The following STK3 variants were observed in gnomAD, a reference collection of about 807,000 sequenced individuals.
STK3 encodes the protein serine/threonine-protein kinase 3.
STK3 carries 41 observed loss-of-function variants against 58.0 expected under a neutral mutation model. That is an observed-to-expected ratio of 0.71 (90% CI 0.55 to 0.92). STK3 has a LOEUF of 0.92. STK3 is among the 40% of genes least tolerant of loss of function. The pLI, the probability that STK3 is intolerant of heterozygous loss-of-function variation, is 0.00. For synonymous variants in STK3, 170 were observed against 191.0 expected (o/e 0.89, Z 0.91); for missense variants, 479 against 602.7 (o/e 0.79, Z 2.15).
chr8:98,600,655 A>C (rs1377890682), intron 6 of STK3, among the ~76,000 whole-genome samples: 2 of 152,250 alleles, frequency 1.3e-5, no homozygotes, highest in African/African-American at 4.8e-5. Flanking sequence ...TTCAGTCTCT[A>C]GAAAAAAGTG....
At chr8:98,367,555 T>G (rs553628457), downstream of STK3, among the ~76,000 whole-genome samples, 1 of 152,338 alleles carries the variant, frequency 6.6e-6, no homozygotes, top group East Asian at 1.9e-4. Flanking sequence ...ACAGCAAGCC[T>G]GTCTACTGAA....
chr8:98,898,449 A>C (rs917375820), intron 1 of STK3, among the ~76,000 whole-genome samples: 1 of 152,238 alleles, frequency 6.6e-6, no homozygotes, highest in Non-Finnish European at 1.5e-5. Context: ...GGAATAGTCA[A>C]GCCACTTTAT....
intron 9 of STK3, among the ~76,000 whole-genome samples, chr8:98,531,008 G>A (rs1233724170): frequency 6.6e-6 from 1 of 152,208 alleles, no homozygotes; most frequent in East Asian, 1.9e-4. Flanking sequence ...CACACTTGCA[G>A]TTACTTCCTC....
intron 7 of STK3, among the ~76,000 whole-genome samples, chr8:98,592,328 C>T (rs1815386519): frequency 6.6e-6 from 1 of 152,142 alleles, no homozygotes; most frequent in Admixed American, 6.5e-5. Context: ...TGTCTTTGTT[C>T]ATATTGTTCA....
At chr8:98,894,159 CCT>C (rs1311931434) in intron 1 of STK3, among the ~76,000 whole-genome samples, 1 of 151,980 alleles carries the variant, frequency 6.6e-6, no homozygotes, top group East Asian at 1.9e-4. Flanking sequence ...CACTTTTTTT[CCT>C]CTCTCTTCTT....
intron 7 of STK3, among the ~76,000 whole-genome samples, chr8:98,582,276 T>G (rs1045784262): frequency 3.3e-5 from 5 of 152,062 alleles, no homozygotes; most frequent in African/African-American, 1.2e-4. Flanking sequence ...CATCTTTTTC[T>G]TGTTGAAATA....
At chr8:98,431,777 C>T (rs1051229170) in intron 3 of STK3, 5 of 167,080 alleles carry the variant, frequency 3.0e-5, no homozygotes, top group Admixed American at 6.5e-5. Flanking sequence ...TAATGACTTG[C>T]ATTTATCTGG....
rs569318970 is a variant in STK3, at chr8:98,523,276, T to C, written c.1317+3466A>G. Among the ~76,000 whole-genome samples the C allele has an allele frequency of 9.2e-5, 14 of 152,342 alleles. No homozygotes were observed. The East Asian group carries it at 2.3e-3, about 25-fold the overall frequency. On this transcript the variant is annotated intron_variant, in intron 10 of 10. Transcript: ENST00000419617. ...GTAGTATCTTATTGTAGTTTTGATA[T>C]GCATTTCTCTAATGATTAATGATAA...
chr8:98,579,817 A>C, intron 7 of STK3, 28 bp from the exon 8 acceptor site: 1 of 1,543,114 alleles, frequency 6.5e-7, no homozygotes, highest in Middle Eastern at 1.8e-4. Context: ...AATGGTATAA[A>C]TTCAAAAGAT....
intron 3 of STK3, among the ~76,000 whole-genome samples, chr8:98,840,628 TACACAC>T (rs1554689100): frequency 1.6e-4 from 18 of 114,476 alleles, no homozygotes; most frequent in South Asian, 2.8e-4. Flanking sequence ...TATATATATA[TACACAC>T]ACATACGTTT....
At chr8:98,518,370 C>G (rs568843458) in intron 10 of STK3, among the ~76,000 whole-genome samples, 1 of 152,232 alleles carries the variant, frequency 6.6e-6, no homozygotes, top group South Asian at 2.1e-4. Context: ...AAGCCTTAAA[C>G]AGCACCATTA....
At chr8:98,904,991 G>A (rs1174242523) in intron 1 of STK3, 14 of 749,754 alleles carry the variant, frequency 1.9e-5, no homozygotes, top group Middle Eastern at 2.7e-4. Context: ...AGCAGACCCA[G>A]TATCGCTTAT....
chr8:98,460,275 A>G (rs1399750388), intron 10 of STK3, among the ~76,000 whole-genome samples: 1 of 152,186 alleles, frequency 6.6e-6, no homozygotes, highest in Non-Finnish European at 1.5e-5. Flanking sequence ...TCAGATTTGC[A>G]TGGGGCCTTT....
At chr8:98,777,675 G>A (rs1414035845) in intron 1 of STK3, among the ~76,000 whole-genome samples, 5 of 152,138 alleles carry the variant, frequency 3.3e-5, no homozygotes, top group East Asian at 1.9e-4. Context: ...AGGAAATCAC[G>A]TCACTTTATA....
At chr8:98,767,641 A>G (rs550528811) in intron 2 of STK3, among the ~76,000 whole-genome samples, 2 of 152,344 alleles carry the variant, frequency 1.3e-5, no homozygotes, top group African/African-American at 4.8e-5. Flanking sequence ...CGTTTGGTCA[A>G]CTCAAACAAA....
chr8:98,912,224 C>G lies in STK3; in HGVS notation c.-78-28390G>C, dbSNP rs182824151. On this transcript the variant is annotated intron_variant, in intron 1 of 1. Coordinates refer to the STK3 transcript ENST00000519420. ...CAAAACCTCGTCTCTACTAAAAATACAAAAATTAGCCCGATGTGGTGGCGC... is the reference window on the plus strand; with the variant it reads ...CAAAACCTCGTCTCTACTAAAAATAGAAAAATTAGCCCGATGTGGTGGCGC... Among the ~76,000 whole-genome samples, 6 of 152,154 alleles carry G rather than the reference C, an allele frequency of 3.9e-5. No homozygotes were observed. The East Asian group carries it at 1.2e-3, about 29-fold the overall frequency.
intron 4 of STK3, chr8:98,722,927 A>T (rs1315582038): frequency 2.0e-6 from 1 of 500,728 alleles, no homozygotes; most frequent in East Asian, 5.8e-5. Context: ...TCCATTCTCA[A>T]ATCACAGCTA....
chr8:98,568,341 C>T (rs1420585599), intron 8 of STK3, among the ~76,000 whole-genome samples: 1 of 152,014 alleles, frequency 6.6e-6, no homozygotes, highest in Non-Finnish European at 1.5e-5. Flanking sequence ...AATGTGGAAG[C>T]TAGAAAAATG....
chr8:98,495,762 AT>A (rs1823086223), intron 10 of STK3, among the ~76,000 whole-genome samples: 1 of 152,192 alleles, frequency 6.6e-6, no homozygotes, highest in Non-Finnish European at 1.5e-5. Flanking sequence ...ATAATCAAAC[AT>A]CTGTATATAC....
Sources: gnomAD v4.1 joint callset for allele counts (sites outside exome capture counted in the v4.1 genomes callset) on GRCh38, gnomAD v4.1.1 for gene constraint, MANE v1.5 for transcripts, NCBI Gene and HGNC (gene_info 2026-07-23, HGNC 2026-07-21) for gene names.